Variants in HECTD2 observed in about 807,000 individuals in gnomAD.
The protein encoded by HECTD2 is HECT domain E3 ubiquitin protein ligase 2.
In HECTD2, 35 loss-of-function variants were observed where a neutral mutation model predicts 103.2. The observed-to-expected ratio is 0.34, with a 90% CI of 0.26 to 0.45. The LOEUF is 0.45. Ranked by LOEUF, HECTD2 falls within the 20% of genes least tolerant of loss-of-function variation. The probability of loss-of-function intolerance (pLI) is 1.00; values close to 1 mark genes in which losing one functional copy is unlikely to be tolerated. For synonymous variants in HECTD2, 281 were observed against 329.9 expected, an observed-to-expected ratio of 0.85 and a Z score of 1.61; for missense variants, 596 against 937.4, an observed-to-expected ratio of 0.64 and a Z score of 4.76.
At chr10:91,511,097 G>T (rs1318820326) in intron 20 of HECTD2, among the ~76,000 whole-genome samples, 1 of 152,038 alleles carries the variant, frequency 6.6e-6, no homozygotes, top group East Asian at 1.9e-4. Flanking sequence ...TAATTCAGGG[G>T]GCTCTCAAAA....
At chr10:91,423,625 T>C (rs1278125328) in intron 1 of HECTD2, among the ~76,000 whole-genome samples, 1 of 152,166 alleles carries the variant, frequency 6.6e-6, no homozygotes, top group Non-Finnish European at 1.5e-5. Flanking sequence ...TAGGTGAGTC[T>C]CAGACAGTTC....
Position 91,460,544 on chromosome 10 carries a change from C to T in HECTD2, c.386C>T (p.Pro129Leu). ...CCAGAACCTATTCTTCCTATCCAGC[C>T]CAAAACTGTGAAAGACTTTCAGTAA... Reference protein sequence around the residue: ...VLPEPILPIQPKTVKDFQEDV... With the variant: ...VLPEPILPIQLKTVKDFQEDV... The change falls in exon 3 of 21, where the codon CCC (proline) becomes CTC (leucine). Residue 129 changes from proline to leucine, a missense_variant. Physicochemically the swap from Pro to Leu is moderately conservative, Grantham distance 98. Transcript: ENST00000298068. The T allele has an allele frequency of 6.2e-7, 1 of 1,610,202 alleles. No individual in the cohort carries two copies. Among genetic ancestry groups the T allele is most frequent in the Non-Finnish European group, 8.5e-7 (1 of 1,178,548 alleles).
intron 2 of HECTD2, among the ~76,000 whole-genome samples, chr10:91,456,502 T>C (rs985398693): frequency 6.6e-6 from 1 of 152,222 alleles, no homozygotes; most frequent in Non-Finnish European, 1.5e-5. Flanking sequence ...TTTCTAGATA[T>C]ACAATCATGT....
At chr10:91,475,463 C>T (rs1845867787) in intron 5 of HECTD2, among the ~76,000 whole-genome samples, 2 of 152,122 alleles carry the variant, frequency 1.3e-5, no homozygotes, top group Non-Finnish European at 2.9e-5. Flanking sequence ...TCAGATGTTG[C>T]TGAGACATTT....
intron 1 of HECTD2, among the ~76,000 whole-genome samples, chr10:91,420,672 T>C (rs1236318337): frequency 6.6e-6 from 1 of 152,034 alleles, no homozygotes. Context: ...ATGAGGCACA[T>C]AGATTGGAAG....
In HECTD2 at chr10:91,480,719, C is replaced by T. The variant is rs375978453; in HGVS notation, c.666-375C>T. On this transcript the variant is annotated intron_variant, in intron 6 of 20. Coordinates refer to ENST00000298068, the MANE Select transcript of HECTD2 (RefSeq NM_182765.6). ...CACTTTAGGAATGAACCTAGAAACA[C>T]AAGCATATTTTCTTTCTTTAATACA... Among the ~76,000 whole-genome samples, 6 of 152,048 alleles carry T rather than the reference C, an allele frequency of 3.9e-5. No individual in the cohort carries two copies. The East Asian group carries it at 1.2e-3, about 29-fold the overall frequency.
At chr10:91,445,718 G>C (rs1844575463) in intron 2 of HECTD2, among the ~76,000 whole-genome samples, 1 of 152,116 alleles carries the variant, frequency 6.6e-6, no homozygotes, top group South Asian at 2.1e-4. Context: ...TAGACAGTGG[G>C]TGCAGACTGT....
chr10:91,452,759 A>G (rs1455756284), intron 2 of HECTD2, among the ~76,000 whole-genome samples: 2 of 152,166 alleles, frequency 1.3e-5, no homozygotes, highest in Admixed American at 6.5e-5. Context: ...ATTTCTCATC[A>G]GTAACCATGG....
chr10:91,495,952 G>A (rs1197480224), intron 14 of HECTD2, among the ~76,000 whole-genome samples: 4 of 152,036 alleles, frequency 2.6e-5, no homozygotes, highest in Non-Finnish European at 5.9e-5. Flanking sequence ...TGCCTGTTGT[G>A]ATCTTAGATA....
chr10:91,435,571 T>C (rs960108169), intron 2 of HECTD2, among the ~76,000 whole-genome samples: 1 of 152,056 alleles, frequency 6.6e-6, no homozygotes, highest in Non-Finnish European at 1.5e-5. Context: ...CCAGTCTGTA[T>C]GGAGTGCAGC....
intron 20 of HECTD2, among the ~76,000 whole-genome samples, chr10:91,503,794 C>T (rs902006319): frequency 6.6e-6 from 1 of 152,226 alleles, no homozygotes; most frequent in Non-Finnish European, 1.5e-5. Flanking sequence ...GGAGGCCTGC[C>T]TGCCTCTGTA....
intron 2 of HECTD2, among the ~76,000 whole-genome samples, chr10:91,430,147 A>G (rs967877899): frequency 6.6e-6 from 1 of 152,210 alleles, no homozygotes; most frequent in Non-Finnish European, 1.5e-5. Context: ...CCCAGTAGTC[A>G]TTCAGGAGTA....
Position 91,452,055 on chromosome 10 carries a change from A to G in HECTD2, c.269-8372A>G, listed in dbSNP as rs185255509. Among the ~76,000 whole-genome samples, 409 of 152,282 alleles carry G rather than the reference A, an allele frequency of 2.7e-3. 2 individuals are homozygous for G. Among genetic ancestry groups the G allele is most frequent in the African/African-American group, 9.5e-3 (394 of 41,568 alleles). ...AACAGAATGGAGGGGATAGGAATCA[A>G]TGAACTGGAAGACAGAACAATAGAA... On this transcript the variant is annotated intron_variant, in intron 2 of 20. Transcript: ENST00000298068.
chr10:91,470,635 A>G (rs578231208), intron 5 of HECTD2, among the ~76,000 whole-genome samples: 1 of 152,316 alleles, frequency 6.6e-6, no homozygotes, highest in East Asian at 1.9e-4. Flanking sequence ...GAAAATCTAC[A>G]GAAACAAGCA....
chr10:91,416,210 T>G (rs892141254), intron 1 of HECTD2, among the ~76,000 whole-genome samples: 8 of 152,248 alleles, frequency 5.3e-5, no homozygotes, highest in African/African-American at 1.9e-4. Flanking sequence ...TCTGCTTTGC[T>G]GTTTATAACT....
chr10:91,498,214 T>C (rs1319255216), intron 16 of HECTD2, 32 bp downstream of exon 16: 2 of 1,344,994 alleles, frequency 1.5e-6, no homozygotes, highest in South Asian at 2.3e-5. Flanking sequence ...TATCTGTTAA[T>C]CATATATTTC....
intron 2 of HECTD2, among the ~76,000 whole-genome samples, chr10:91,427,361 TACCC>T (rs1843613866): frequency 6.6e-6 from 1 of 152,002 alleles, no homozygotes; most frequent in Non-Finnish European, 1.5e-5. Flanking sequence ...TTTGGGTATA[TACCC>T]AGTAATGGGA....
chr10:91,508,549 A>G lies in HECTD2; in HGVS notation c.2211-3715A>G, dbSNP rs1847287359. On this transcript the variant is annotated intron_variant, in intron 20 of 20. Transcript: ENST00000298068. Reference sequence around the variant, plus strand: ...TGCTCACCATCACTGGCCATCAGAGAAATGCAAATCAAAACCACAATGAGA... The same window carrying G: ...TGCTCACCATCACTGGCCATCAGAGGAATGCAAATCAAAACCACAATGAGA... Among the ~76,000 whole-genome samples, 5 of 150,810 alleles carry G rather than the reference A, an allele frequency of 3.3e-5. No individual in the cohort carries two copies. The South Asian group carries it at 1.0e-3, about 32-fold the overall frequency.
intron 8 of HECTD2, among the ~76,000 whole-genome samples, chr10:91,483,490 T>A (rs1846166287): frequency 6.6e-6 from 1 of 151,968 alleles, no homozygotes; most frequent in African/African-American, 2.4e-5. Context: ...CCTAAAAATG[T>A]CATTGTAAAA....
Sources: gnomAD v4.1 joint callset for allele counts (sites outside exome capture counted in the v4.1 genomes callset) on GRCh38, gnomAD v4.1.1 for gene constraint, MANE v1.5 for transcripts, NCBI Gene and HGNC (gene_info 2026-07-23, HGNC 2026-07-21) for gene names.